TMEM163: variants seen among roughly 807,000 people sequenced by gnomAD.
TMEM163 encodes the protein transmembrane protein 163.
Under a neutral mutation model 29.3 loss-of-function variants are expected in TMEM163, and 17 were observed. That is an observed-to-expected ratio of 0.58 (90% CI 0.40 to 0.87). TMEM163 has a LOEUF of 0.87. Ranked by LOEUF, TMEM163 falls within the 40% of genes least tolerant of loss-of-function variation. The pLI, the probability that TMEM163 is intolerant of heterozygous loss-of-function variation, is 0.00. For missense variants in TMEM163, 303 were observed against 381.5 expected, an observed-to-expected ratio of 0.79 and a Z score of 1.71; for synonymous variants, 157 against 160.6, an observed-to-expected ratio of 0.98 and a Z score of 0.17.
intron 2 of TMEM163, among the ~76,000 whole-genome samples, chr2:134,658,929 G>A (rs1300609481): frequency 6.6e-6 from 1 of 152,124 alleles, no homozygotes; most frequent in Non-Finnish European, 1.5e-5. Flanking sequence ...CATCTGCTTT[G>A]CAAAAGAACT....
intron 5 of TMEM163, among the ~76,000 whole-genome samples, chr2:134,499,077 G>A (rs988572481): frequency 6.6e-6 from 1 of 152,298 alleles, no homozygotes; most frequent in East Asian, 1.9e-4. Flanking sequence ...AAAACGGGGA[G>A]AGCAAGATAC....
intron 2 of TMEM163, among the ~76,000 whole-genome samples, chr2:134,649,554 AG>A (rs1432745742): frequency 2.0e-5 from 3 of 152,238 alleles, no homozygotes; most frequent in Admixed American, 6.5e-5. Context: ...TTAAATAATA[AG>A]ACAGAGACAT....
chr2:134,607,011 AC>A, intron 2 of TMEM163, among the ~76,000 whole-genome samples: 1 of 143,394 alleles, frequency 7.0e-6, no homozygotes, highest in African/African-American at 2.7e-5. Flanking sequence ...GGTGAAAAGG[AC>A]AGACCCCGAG....
At chr2:134,528,490 A>G (rs1027736733) in intron 4 of TMEM163, among the ~76,000 whole-genome samples, 4 of 152,198 alleles carry the variant, frequency 2.6e-5, no homozygotes, top group Non-Finnish European at 4.4e-5. Flanking sequence ...TTCTTATAAC[A>G]TTGTTATGAA....
intron 4 of TMEM163, among the ~76,000 whole-genome samples, chr2:134,507,382 A>G (rs1679848692): frequency 6.6e-6 from 1 of 151,638 alleles, no homozygotes; most frequent in African/African-American, 2.4e-5. Context: ...ATAAATACCC[A>G]CCGGATCAGT....
intron 2 of TMEM163, among the ~76,000 whole-genome samples, chr2:134,620,196 A>C (rs182076285): frequency 1.3e-5 from 2 of 152,312 alleles, no homozygotes; most frequent in East Asian, 3.9e-4. Context: ...AAGTATCCAA[A>C]ATAGCCAAAA....
At chr2:134,483,211 G>A (rs1390250846) in intron 5 of TMEM163, among the ~76,000 whole-genome samples, 4 of 152,236 alleles carry the variant, frequency 2.6e-5, no homozygotes, top group South Asian at 4.2e-4. Context: ...TCAGAGTCTC[G>A]GGGACAAGCC....
intron 5 of TMEM163, among the ~76,000 whole-genome samples, chr2:134,475,558 A>G (rs2106477693): frequency 6.6e-6 from 1 of 152,290 alleles, no homozygotes; most frequent in Middle Eastern, 3.4e-3. Flanking sequence ...AAGGCAAGCC[A>G]TGATACAGAA....
At chr2:134,549,203 C>T (rs752519670) in intron 4 of TMEM163, among the ~76,000 whole-genome samples, 4 of 151,820 alleles carry the variant, frequency 2.6e-5, no homozygotes, top group Non-Finnish European at 4.4e-5. Context: ...AAAATTTGCT[C>T]TCATTAGTGA....
chr2:134,476,729 A>G (rs2106478083), intron 5 of TMEM163, among the ~76,000 whole-genome samples: 1 of 152,312 alleles, frequency 6.6e-6, no homozygotes, highest in South Asian at 2.1e-4. Flanking sequence ...TTTAAGTCTC[A>G]GGAGCTTCCT....
chr2:134,692,061 G>A (rs186460927), intron 2 of TMEM163, among the ~76,000 whole-genome samples: 125 of 152,280 alleles, frequency 8.2e-4, no homozygotes, highest in Non-Finnish European at 1.3e-3. Context: ...CAGGTGGAGG[G>A]AGATTTGACA....
At chr2:134,684,682 T>C (rs1429648490) in intron 2 of TMEM163, among the ~76,000 whole-genome samples, 2 of 151,888 alleles carry the variant, frequency 1.3e-5, no homozygotes, top group East Asian at 1.9e-4. Flanking sequence ...TACCAGAACT[T>C]TGGGAGGCCG....
At chr2:134,496,462 C>G (rs17787422) in intron 5 of TMEM163, among the ~76,000 whole-genome samples, 19,776 of 152,178 alleles carry the variant, frequency 0.13, 1,667 homozygotes, top group Middle Eastern at 0.3. Flanking sequence ...AACCTCTACA[C>G]GGCCTGCAGA....
intron 2 of TMEM163, among the ~76,000 whole-genome samples, chr2:134,684,080 G>A (rs541283980): frequency 2.0e-4 from 31 of 152,206 alleles, no homozygotes; most frequent in Admixed American, 1.7e-3. Flanking sequence ...ACCATGTCCT[G>A]GAAGTAAGTA....
At chr2:134,494,473 T>C (rs1679501338) in intron 5 of TMEM163, among the ~76,000 whole-genome samples, 1 of 152,186 alleles carries the variant, frequency 6.6e-6, no homozygotes, top group African/African-American at 2.4e-5. Context: ...GAATTATAGG[T>C]TATGCTCAAG....
intron 2 of TMEM163, among the ~76,000 whole-genome samples, chr2:134,630,497 G>A (rs552512368): frequency 5.9e-5 from 9 of 152,274 alleles, no homozygotes; most frequent in East Asian, 1.9e-4. Context: ...CAAGCAGGGC[G>A]AGAGGGAAAA....
At chr2:134,688,307 G>A (rs567791663) in intron 2 of TMEM163, among the ~76,000 whole-genome samples, 8 of 152,138 alleles carry the variant, frequency 5.3e-5, no homozygotes, top group South Asian at 4.2e-4. Flanking sequence ...GACACAAATG[G>A]TGGGTGTCTC....
intron 5 of TMEM163, among the ~76,000 whole-genome samples, chr2:134,479,327 G>A (rs1364206799): frequency 6.6e-6 from 1 of 152,196 alleles, no homozygotes; most frequent in Non-Finnish European, 1.5e-5. Context: ...CAGTGCATCT[G>A]AGTGGAATGT....
intron 2 of TMEM163, among the ~76,000 whole-genome samples, chr2:134,700,942 A>ATAAATAAATAATTAAT (rs61311028): frequency 8.4e-5 from 10 of 119,352 alleles, no homozygotes; most frequent in East Asian, 2.1e-4. Context: ...AAATAAATAA[A>ATAAATAAATAATTAAT]TAAATAAAGT....
Sources: gnomAD v4.1 joint callset for allele counts (sites outside exome capture counted in the v4.1 genomes callset) on GRCh38, gnomAD v4.1.1 for gene constraint, MANE v1.5 for transcripts, NCBI Gene and HGNC (gene_info 2026-07-23, HGNC 2026-07-21) for gene names.